The following GUCY1A2 variants were observed in gnomAD, a reference collection of about 807,000 sequenced individuals.
The protein encoded by GUCY1A2 is guanylate cyclase 1 soluble subunit alpha 2.
A neutral mutation model predicts 63.5 loss-of-function variants in GUCY1A2; 27 were observed. The observed-to-expected ratio is 0.43, with a 90% CI of 0.31 to 0.59. The LOEUF (loss-of-function observed/expected upper bound fraction) is 0.59, where lower values mean the gene tolerates loss of function less well. Among genes scored for constraint, GUCY1A2 ranks in the 20% least tolerant of loss-of-function variants. The pLI is 0.11. For missense variants in GUCY1A2, 768 were observed against 913.3 expected, an observed-to-expected ratio of 0.84 and a Z score of 2.05; for synonymous variants, 364 against 343.5, an observed-to-expected ratio of 1.06 and a Z score of -0.66.
intron 6 of GUCY1A2, among the ~76,000 whole-genome samples, chr11:106,732,187 C>A (rs1217469073): frequency 2.0e-5 from 3 of 151,980 alleles, no homozygotes; most frequent in African/African-American, 4.8e-5. Flanking sequence ...ACACACAGAC[C>A]AATGGAACAG....
chr11:106,971,115 G>A (rs947560965), intron 3 of GUCY1A2, among the ~76,000 whole-genome samples: 5 of 152,024 alleles, frequency 3.3e-5, no homozygotes, highest in East Asian at 3.9e-4. Flanking sequence ...AAGAGTGCAA[G>A]TATTTGGTAT....
At chr11:106,997,112 T>C (rs1861549625) in intron 1 of GUCY1A2, among the ~76,000 whole-genome samples, 1 of 152,196 alleles carries the variant, frequency 6.6e-6, no homozygotes, top group Non-Finnish European at 1.5e-5. Context: ...GCTATCACTC[T>C]ATTACATATT....
intron 1 of GUCY1A2, among the ~76,000 whole-genome samples, chr11:106,997,617 A>ACCCCCCCCC (rs377457144): frequency 5.8e-5 from 7 of 119,830 alleles, no homozygotes; most frequent in Admixed American, 9.0e-5. Flanking sequence ...AAGATAGGGA[A>ACCCCCCCCC]CCCCCCCCCC....
chr11:106,781,125 A>G (rs1189460557), intron 5 of GUCY1A2, among the ~76,000 whole-genome samples: 1 of 148,776 alleles, frequency 6.7e-6, no homozygotes, highest in Non-Finnish European at 1.5e-5. Context: ...AAAAAAAAAA[A>G]AAAAAAAAGA....
At chr11:106,765,405 A>G (rs763715506) in intron 6 of GUCY1A2, among the ~76,000 whole-genome samples, 24 of 152,118 alleles carry the variant, frequency 1.6e-4, no homozygotes, top group South Asian at 2.1e-4. Context: ...CTTCCTCACC[A>G]AGTTAGTAAT....
chr11:106,841,417 C>G (rs563637294), intron 4 of GUCY1A2, among the ~76,000 whole-genome samples: 120 of 151,958 alleles, frequency 7.9e-4, no homozygotes, highest in African/African-American at 2.6e-3. Flanking sequence ...ATTACAAATT[C>G]CCTGTCCACA....
chr11:106,747,018 C>T (rs935306450), intron 6 of GUCY1A2, among the ~76,000 whole-genome samples: 9 of 152,248 alleles, frequency 5.9e-5, no homozygotes, highest in South Asian at 4.1e-4. Context: ...GATGGAGTCT[C>T]GCTCTGTCGC....
chr11:106,842,723 G>A (rs1591298766), intron 4 of GUCY1A2, among the ~76,000 whole-genome samples: 1 of 152,058 alleles, frequency 6.6e-6, no homozygotes, highest in African/African-American at 2.4e-5. Context: ...GAAAAAGGGG[G>A]TAGGGAGGAA....
At chr11:106,727,587 T>G (rs1863429067) in intron 6 of GUCY1A2, among the ~76,000 whole-genome samples, 1 of 152,124 alleles carries the variant, frequency 6.6e-6, no homozygotes, top group Non-Finnish European at 1.5e-5. Flanking sequence ...TTTCAAGGAC[T>G]CCTTTGCTCC....
intron 6 of GUCY1A2, among the ~76,000 whole-genome samples, chr11:106,720,768 C>T (rs1863302105): frequency 6.6e-6 from 1 of 151,974 alleles, no homozygotes; most frequent in Non-Finnish European, 1.5e-5. Context: ...GGTATGATTA[C>T]CAAATGTAAT....
At chr11:106,807,453 C>T (rs570751400) in intron 5 of GUCY1A2, among the ~76,000 whole-genome samples, 1 of 151,970 alleles carries the variant, frequency 6.6e-6, no homozygotes, top group Non-Finnish European at 1.5e-5. Context: ...TTTGTCTTTC[C>T]CTCTCTGGCC....
chr11:106,979,454 CAAA>C (rs368315276), intron 2 of GUCY1A2, among the ~76,000 whole-genome samples: 2 of 59,490 alleles, frequency 3.4e-5, no homozygotes, highest in South Asian at 6.3e-4. Context: ...GACTCCGTCT[CAAA>C]AAAAAAAAAA....
intron 6 of GUCY1A2, among the ~76,000 whole-genome samples, chr11:106,726,775 A>G (rs1161877836): frequency 6.6e-6 from 1 of 152,188 alleles, no homozygotes; most frequent in Non-Finnish European, 1.5e-5. Context: ...TTGGAATAAG[A>G]GCTAAAGGAA....
At chr11:106,774,186 T>C (rs956327710) in intron 6 of GUCY1A2, among the ~76,000 whole-genome samples, 6 of 152,066 alleles carry the variant, frequency 3.9e-5, no homozygotes, top group African/African-American at 1.2e-4. Context: ...CAGGCTGGAG[T>C]GCAGTGGCGC....
At chr11:106,773,396 G>C (rs1342755170) in intron 6 of GUCY1A2, among the ~76,000 whole-genome samples, 1 of 152,056 alleles carries the variant, frequency 6.6e-6, no homozygotes, top group African/African-American at 2.4e-5. Flanking sequence ...GGTATACCAA[G>C]GTATAAATAT....
At chr11:106,786,729 C>T (rs1864561202) in intron 5 of GUCY1A2, among the ~76,000 whole-genome samples, 1 of 151,286 alleles carries the variant, frequency 6.6e-6, no homozygotes. Flanking sequence ...ACTAGGGCTC[C>T]AGTTTCCCAG....
chr11:106,744,244 C>CTTTT (rs5794491), intron 6 of GUCY1A2, among the ~76,000 whole-genome samples: 16 of 112,692 alleles, frequency 1.4e-4, no homozygotes, highest in South Asian at 2.9e-4. Context: ...AACATAAATG[C>CTTTT]TTTTTTTTTT....
chr11:106,892,479 T>TA (rs1859987562), intron 4 of GUCY1A2, among the ~76,000 whole-genome samples: 1 of 152,246 alleles, frequency 6.6e-6, no homozygotes, highest in African/African-American at 2.4e-5. Flanking sequence ...TTTTAATTGA[T>TA]ATGTTTACTT....
rs1438652817 is a variant in GUCY1A2, at chr11:106,800,463, C to T, written c.1692+9530G>A. ...CATATGTTCATTGCGGCACTATTCA[C>T]AATAGCAAAGACTTGGAACCAACCC... On this transcript the variant is annotated intron_variant, in intron 5 of 7. Coordinates refer to ENST00000526355, the MANE Select transcript of GUCY1A2 (RefSeq NM_000855.3). 3.3e-5 allele frequency among the ~76,000 whole-genome samples: 5 copies of T among 152,230 alleles called. No homozygotes were observed. In the East Asian group the frequency reaches 9.6e-4, roughly 29 times the overall value.
Sources: gnomAD v4.1 joint callset for allele counts (sites outside exome capture counted in the v4.1 genomes callset) on GRCh38, gnomAD v4.1.1 for gene constraint, MANE v1.5 for transcripts, NCBI Gene and HGNC (gene_info 2026-07-23, HGNC 2026-07-21) for gene names.